KCNIP4: variants seen among roughly 807,000 people sequenced by gnomAD.
The protein encoded by KCNIP4 is Kv channel-interacting protein 4.
Under a neutral mutation model 34.0 loss-of-function variants are expected in KCNIP4, and 12 were observed. That is an observed-to-expected ratio of 0.35 (90% CI 0.23 to 0.57). The LOEUF is 0.57. Among genes scored for constraint, KCNIP4 ranks in the 20% least tolerant of loss-of-function variants. The pLI is 0.83. For synonymous variants in KCNIP4, 124 were observed against 102.2 expected (o/e 1.21, Z -1.29); for missense variants, 238 against 311.7 (o/e 0.76, Z 1.78).
At chr4:21,789,427 A>G (rs540457181) in intron 1 of KCNIP4, among the ~76,000 whole-genome samples, 1 of 152,334 alleles carries the variant, frequency 6.6e-6, no homozygotes, top group African/African-American at 2.4e-5. Context: ...AACCACCACT[A>G]GATGGCGGTA....
chr4:21,229,268 G>C (rs1404859708), intron 1 of KCNIP4, among the ~76,000 whole-genome samples: 1 of 152,110 alleles, frequency 6.6e-6, no homozygotes, highest in Non-Finnish European at 1.5e-5. Flanking sequence ...ATATTCTCTA[G>C]AGATCATTCC....
chr4:21,598,140 T>C (rs1290256578), intron 1 of KCNIP4, among the ~76,000 whole-genome samples: 3 of 152,110 alleles, frequency 2.0e-5, no homozygotes, highest in African/African-American at 4.8e-5. Flanking sequence ...AAGAATGTAA[T>C]ACTGTGTTTT....
intron 1 of KCNIP4, among the ~76,000 whole-genome samples, chr4:21,379,617 G>T (rs575181057): frequency 1.8e-4 from 28 of 152,264 alleles, no homozygotes; most frequent in African/African-American, 6.3e-4. Flanking sequence ...AGTCACAGCA[G>T]TGACATATAA....
intron 1 of KCNIP4, among the ~76,000 whole-genome samples, chr4:21,038,180 G>A (rs185563202): frequency 1.2e-4 from 18 of 152,174 alleles, no homozygotes; most frequent in Middle Eastern, 3.4e-3. Flanking sequence ...TTTTCACCAC[G>A]TTGGCCAGAT....
chr4:21,887,866 A>G (rs1257746975), intron 1 of KCNIP4, among the ~76,000 whole-genome samples: 1 of 152,202 alleles, frequency 6.6e-6, no homozygotes. Context: ...CTGATCATAA[A>G]AAGTCTTTGA....
At chr4:21,785,577 G>A (rs1719849187) in intron 1 of KCNIP4, among the ~76,000 whole-genome samples, 2 of 130,156 alleles carry the variant, frequency 1.5e-5, no homozygotes, top group African/African-American at 8.3e-5. Context: ...GGGTCAAAGA[G>A]TGAGATTCCA....
At chr4:20,741,603 C>T (rs1259336388) in intron 5 of KCNIP4, among the ~76,000 whole-genome samples, 3 of 152,102 alleles carry the variant, frequency 2.0e-5, no homozygotes, top group Non-Finnish European at 4.4e-5. Context: ...ACTCAAAGCC[C>T]ACAAGAGAAA....
At chr4:21,862,499 A>T (rs779605629) in intron 1 of KCNIP4, among the ~76,000 whole-genome samples, 5 of 152,226 alleles carry the variant, frequency 3.3e-5, no homozygotes, top group African/African-American at 1.2e-4. Context: ...GGAAAGGAGA[A>T]TAGGGAATGC....
At chr4:21,668,455 T>C (rs1183434929) in intron 1 of KCNIP4, among the ~76,000 whole-genome samples, 2 of 152,208 alleles carry the variant, frequency 1.3e-5, no homozygotes, top group African/African-American at 4.8e-5. Flanking sequence ...TTTATGAAGA[T>C]ATTTATGTGA....
At chr4:21,722,892 A>G (rs11944162) in intron 1 of KCNIP4, among the ~76,000 whole-genome samples, 37,895 of 152,120 alleles carry the variant, frequency 0.25, 8,715 homozygotes, top group African/African-American at 0.62. Context: ...TTGGCAATTC[A>G]GTATGTGTAA....
chr4:21,118,590 G>A (rs1210954801), intron 1 of KCNIP4, among the ~76,000 whole-genome samples: 1 of 152,182 alleles, frequency 6.6e-6, no homozygotes, highest in African/African-American at 2.4e-5. Context: ...GCTGTAGCAA[G>A]TTCTGAATAA....
chr4:21,210,436 AT>A (rs1757138949), intron 1 of KCNIP4, among the ~76,000 whole-genome samples: 1 of 152,160 alleles, frequency 6.6e-6, no homozygotes, highest in African/African-American at 2.4e-5. Flanking sequence ...GAAGTCTATT[AT>A]TTGCCTAGAT....
intron 1 of KCNIP4, among the ~76,000 whole-genome samples, chr4:21,460,829 A>G (rs1729403223): frequency 6.6e-6 from 1 of 152,080 alleles, no homozygotes; most frequent in Non-Finnish European, 1.5e-5. Flanking sequence ...TGTTTCACAC[A>G]TACATTTGAC....
At chr4:21,203,590 G>C (rs1756643059) in intron 1 of KCNIP4, among the ~76,000 whole-genome samples, 1 of 152,152 alleles carries the variant, frequency 6.6e-6, no homozygotes, top group Admixed American at 6.5e-5. Context: ...TACCACTAGA[G>C]CTCTGCCTCT....
chr4:21,705,492 C>A (rs897857286), intron 1 of KCNIP4, among the ~76,000 whole-genome samples: 1 of 151,974 alleles, frequency 6.6e-6, no homozygotes, highest in Non-Finnish European at 1.5e-5. Context: ...CTTTTGAGCC[C>A]CTTCTATGCA....
chr4:21,280,577 A>G (rs779491497), intron 1 of KCNIP4, among the ~76,000 whole-genome samples: 2 of 152,222 alleles, frequency 1.3e-5, no homozygotes, highest in Non-Finnish European at 2.9e-5. Flanking sequence ...AAACCATATC[A>G]TAACACTTTT....
chr4:21,689,052 G>C (rs1331437095), intron 1 of KCNIP4, among the ~76,000 whole-genome samples: 1 of 151,882 alleles, frequency 6.6e-6, no homozygotes, highest in South Asian at 2.1e-4. Context: ...TGCTGTACTG[G>C]CAGGTTGACA....
At chr4:21,672,782 T>G (rs1471833585) in intron 1 of KCNIP4, among the ~76,000 whole-genome samples, 1 of 152,222 alleles carries the variant, frequency 6.6e-6, no homozygotes, top group African/African-American at 2.4e-5. Flanking sequence ...TGCGAGTGGC[T>G]TAGCTGGGTG....
intron 1 of KCNIP4, among the ~76,000 whole-genome samples, chr4:21,920,539 A>G (rs983483866): frequency 2.0e-5 from 3 of 152,140 alleles, no homozygotes; most frequent in African/African-American, 7.2e-5. Flanking sequence ...GGTGAAGAGC[A>G]CACTGAAGTC....
Sources: allele counts gnomAD v4.1 joint callset (sites outside exome capture counted in the v4.1 genomes callset), GRCh38; gene constraint gnomAD v4.1.1; transcripts MANE v1.5; gene names NCBI Gene and HGNC (gene_info 2026-07-23, HGNC 2026-07-21).